Variants in CTNNAL1 observed in about 807,000 individuals in gnomAD.
CTNNAL1 encodes catenin alpha like 1.
A neutral mutation model predicts 93.6 loss-of-function variants in CTNNAL1; 69 were observed. The ratio of observed to expected loss-of-function variants is 0.74; its 90% CI spans 0.61 to 0.90. CTNNAL1 has a LOEUF of 0.90. Ranked by LOEUF, CTNNAL1 falls within the 40% of genes least tolerant of loss-of-function variation. The probability of loss-of-function intolerance (pLI) is 0.00; values close to 1 mark genes in which losing one functional copy is unlikely to be tolerated. For synonymous variants in CTNNAL1, 286 were observed against 305.4 expected (o/e 0.94, Z 0.66); for missense variants, 836 against 862.0 (o/e 0.97, Z 0.38).
intron 4 of CTNNAL1, among the ~76,000 whole-genome samples, chr9:108,989,614 T>A (rs1313163301): frequency 6.6e-6 from 1 of 152,096 alleles, no homozygotes; most frequent in African/African-American, 2.4e-5. Context: ...AAATGGTCAA[T>A]TATTATATAT....
At chr9:109,007,372 C>A (rs1299599961) in intron 1 of CTNNAL1, among the ~76,000 whole-genome samples, 3 of 152,098 alleles carry the variant, frequency 2.0e-5, no homozygotes, top group Non-Finnish European at 4.4e-5. Context: ...CAGAACAATG[C>A]AGAGAGTAAT....
At chr9:108,988,242 C>T (rs1185444996) in intron 4 of CTNNAL1, among the ~76,000 whole-genome samples, 1 of 152,176 alleles carries the variant, frequency 6.6e-6, no homozygotes, top group Non-Finnish European at 1.5e-5. Flanking sequence ...TGCCACCACA[C>T]TCAGCTAATT....
chr9:109,005,257 T>G (rs1387742346), intron 1 of CTNNAL1, among the ~76,000 whole-genome samples: 1 of 151,508 alleles, frequency 6.6e-6, no homozygotes, highest in South Asian at 2.1e-4. Flanking sequence ...ATTGTTACTA[T>G]CACATGAAAA....
At chr9:108,972,601 T>C in intron 9 of CTNNAL1, 74 bp downstream of exon 9, 1 of 1,290,400 alleles carries the variant, frequency 7.7e-7, no homozygotes, top group South Asian at 1.4e-5. Context: ...AAAACTGTAT[T>C]TGTGTTAACA....
intron 15 of CTNNAL1, among the ~76,000 whole-genome samples, chr9:108,946,203 G>C (rs912003971): frequency 1.3e-5 from 2 of 151,560 alleles, no homozygotes; most frequent in South Asian, 2.1e-4. Context: ...GGAGGCTGAG[G>C]CAGAAGAATC....
intron 14 of CTNNAL1, among the ~76,000 whole-genome samples, chr9:108,950,248 T>C (rs1830520624): frequency 6.6e-6 from 1 of 152,200 alleles, no homozygotes; most frequent in Non-Finnish European, 1.5e-5. Context: ...TTATTGTGGG[T>C]AAACACAGGA....
intron 6 of CTNNAL1, 49 bp from the exon 7 acceptor site, chr9:108,979,530 C>G: frequency 1.3e-6 from 2 of 1,572,082 alleles, no homozygotes; most frequent in Non-Finnish European, 1.7e-6. Flanking sequence ...AATATTCCCA[C>G]CTGACCAAAA....
chr9:109,008,663 T>C (rs1827110398), intron 1 of CTNNAL1, among the ~76,000 whole-genome samples: 1 of 152,232 alleles, frequency 6.6e-6, no homozygotes. Flanking sequence ...CATTGAGTTC[T>C]AATGAAGTTG....
chr9:108,976,826 CCT>C, intron 8 of CTNNAL1, 134 bp downstream of exon 8: 1 of 419,338 alleles, frequency 2.4e-6, no homozygotes, highest in East Asian at 3.9e-5. Flanking sequence ...AGCCACCATG[CCT>C]GGCCTCAAAG....
chr9:108,950,385 A>C (rs372923741), intron 14 of CTNNAL1: 2 of 1,073,776 alleles, frequency 1.9e-6, no homozygotes, highest in Non-Finnish European at 2.6e-6. Flanking sequence ...AGTTAAGAAC[A>C]ATGGAAGGAA....
rs551381990 is a variant in CTNNAL1 at position 109,002,415 on chromosome 9, C to T, written c.142-3159G>A. On this transcript the variant is annotated intron_variant, in intron 1 of 18. Coordinates refer to ENST00000325551, the MANE Select transcript of CTNNAL1 (RefSeq NM_003798.4). ...GCCAACAATCAGGCCATAGCAGAAG[C>T]GACGGGTAAAAGCTTAAGGAAAAGT... Among the ~76,000 whole-genome samples the T allele has an allele frequency of 2.0e-5, 3 of 152,176 alleles. No homozygotes were observed. The South Asian group carries it at 6.2e-4, about 32-fold the overall frequency.
chr9:108,985,118 T>C (rs1450826470), intron 4 of CTNNAL1, among the ~76,000 whole-genome samples: 1 of 152,218 alleles, frequency 6.6e-6, no homozygotes, highest in Admixed American at 6.5e-5. Context: ...CAAAGTTTGC[T>C]GATCAAATCT....
rs903651761 is a variant in CTNNAL1 at position 109,013,339 on chromosome 9, C to A, written c.104G>T (p.Arg35Leu). 3 of 1,514,796 alleles carry A rather than the reference C, an allele frequency of 2.0e-6. No individual in the cohort carries two copies. Among genetic ancestry groups the A allele is most frequent in the Non-Finnish European group, 1.8e-6 (2 of 1,130,792 alleles). 93.8% of individuals were successfully genotyped at this position (1,514,796 alleles called of 1,614,324 possible). A position where few individuals can be genotyped will look rare whatever the true frequency, so the allele number is the denominator to read the frequency against. The change falls in exon 1 of 19, where the codon CGC (arginine) becomes CTC (leucine). Residue 35 changes from arginine (R) to leucine (L), a missense_variant. By Grantham distance (102) the Arg-to-Leu change is moderately radical (BLOSUM62 -2). Transcript: ENST00000325551. ...CGGGAGTAGCGTCTGCTCCACCGAGCGAGTTTTGATCTCCAGTCCCGAGTC... is the reference window on the plus strand; with the variant it reads ...CGGGAGTAGCGTCTGCTCCACCGAGAGAGTTTTGATCTCCAGTCCCGAGTC... Reference protein sequence around the residue: ...ALDSGLEIKTRSVEQTLLPLV... With the variant: ...ALDSGLEIKTLSVEQTLLPLV...
At chr9:108,963,550 T>A (rs1234024352) in intron 11 of CTNNAL1, 1 of 152,300 alleles carries the variant, frequency 6.6e-6, no homozygotes, top group Non-Finnish European at 1.5e-5. Flanking sequence ...CTGGCCAGGA[T>A]TGATGCCATA....
chr9:108,949,389 A>C (rs952934339), intron 14 of CTNNAL1, among the ~76,000 whole-genome samples: 3 of 152,186 alleles, frequency 2.0e-5, no homozygotes, highest in African/African-American at 7.2e-5. Context: ...AAATAAAACT[A>C]ATCAAAGGAG....
In CTNNAL1 at chr9:108,992,817, C is replaced by A; in HGVS notation, c.334G>T (p.Glu112Ter). 6.2e-7 allele frequency: 1 copy of A among 1,603,404 alleles called. No individual in the cohort carries two copies. The highest frequency in any genetic ancestry group is 8.5e-7 in the Non-Finnish European group (1 of 1,176,058). Reference sequence around the variant, plus strand: ...ATGTCTGTAAGTGCTGCAATTGTTTCTCCTAACAAGAAAGACGAGGGGAGA... The same window carrying A: ...ATGTCTGTAAGTGCTGCAATTGTTTATCCTAACAAGAAAGACGAGGGGAGA... Reference protein sequence around the residue: ...IACIEAKQAGETIAALTDITN... With the variant: ...IACIEAKQAG Residue 112 changes from glutamate (E) to a stop codon, truncating the protein, a stop_gained and splice_region_variant, in exon 3 of 19, where the codon GAA (glutamate) becomes TAA (stop). Transcript: ENST00000325551. LOFTEE classifies it high-confidence loss of function.
chr9:109,007,326 G>A (rs1441861116), intron 1 of CTNNAL1, among the ~76,000 whole-genome samples: 2 of 152,082 alleles, frequency 1.3e-5, no homozygotes, highest in Non-Finnish European at 2.9e-5. Flanking sequence ...TCTCTTCATC[G>A]ACAACATAAC....
At chr9:108,980,308 C>T (rs565090445) in intron 6 of CTNNAL1, among the ~76,000 whole-genome samples, 9 of 152,244 alleles carry the variant, frequency 5.9e-5, no homozygotes, top group East Asian at 1.9e-4. Context: ...CAGCTTTCTA[C>T]GATGCATCAT....
chr9:108,975,917 G>C (rs1831254497), intron 8 of CTNNAL1, among the ~76,000 whole-genome samples: 1 of 152,132 alleles, frequency 6.6e-6, no homozygotes, highest in Admixed American at 6.5e-5. Context: ...ACCTGAGAGT[G>C]GCCAACTAAG....
Sources: allele counts gnomAD v4.1 joint callset (sites outside exome capture counted in the v4.1 genomes callset), GRCh38; gene constraint gnomAD v4.1.1; transcripts MANE v1.5; gene names NCBI Gene and HGNC (gene_info 2026-07-23, HGNC 2026-07-21).